The following OR51C1 variants were observed in gnomAD, a reference collection of about 807,000 sequenced individuals.
OR51C1 encodes olfactory receptor family 51 subfamily C member 1.
the OR51C1 span, among the ~76,000 whole-genome samples, chr11:4,693,285 AAAAGGAATTACCAG>A: frequency 1.3e-5 from 2 of 152,354 alleles, no homozygotes; most frequent in South Asian, 4.1e-4. Context: ...AAACACACTA[AAAAGGAATTACCAG>A]AAAGAGAGCA....
chr11:4,694,694 A>C, the OR51C1 span, among the ~76,000 whole-genome samples: 3 of 152,204 alleles, frequency 2.0e-5, no homozygotes, highest in East Asian at 5.8e-4. Flanking sequence ...CATGCCAGAC[A>C]GCGTCTATCA....
chr11:4,697,775 A>G, the OR51C1 span: 14 of 152,544 alleles, frequency 9.2e-5, no homozygotes, highest in African/African-American at 2.7e-4. Flanking sequence ...CTGACTGGAG[A>G]CAGGCACAGA....
the OR51C1 span, among the ~76,000 whole-genome samples, chr11:4,696,755 G>A: frequency 7.2e-5 from 11 of 151,962 alleles, no homozygotes; most frequent in Admixed American, 1.3e-4. Flanking sequence ...CTGCCCACTC[G>A]GATTACAATG....
the OR51C1 span, chr11:4,691,474 T>C: frequency 4.4e-6 from 2 of 456,334 alleles, no homozygotes; most frequent in East Asian, 6.9e-5. Context: ...AGAGTGGATA[T>C]GGACAGGCCG....
chr11:4,695,981 A>G, the OR51C1 span, among the ~76,000 whole-genome samples: 1 of 152,162 alleles, frequency 6.6e-6, no homozygotes, highest in Non-Finnish European at 1.5e-5. Context: ...TAATTATGGC[A>G]TCTCCAGAGT....
At chr11:4,693,460 G>A in the OR51C1 span, among the ~76,000 whole-genome samples, 3 of 152,154 alleles carry the variant, frequency 2.0e-5, no homozygotes, top group African/African-American at 4.8e-5. Flanking sequence ...GGTGGCTCAC[G>A]CCTGTAGTCC....
chr11:4,693,831 A>C, the OR51C1 span, among the ~76,000 whole-genome samples: 1 of 152,228 alleles, frequency 6.6e-6, no homozygotes, highest in Non-Finnish European at 1.5e-5. Context: ...TGGATCTTAC[A>C]TAGTGCTATT....
At chr11:4,691,356 A>C in the OR51C1 span, 2 of 457,914 alleles carry the variant, frequency 4.4e-6, no homozygotes, top group South Asian at 3.1e-5. Flanking sequence ...GGCCAACAGC[A>C]CTGAGGATTC....
chr11:4,691,700 C>T, the OR51C1 span: 10 of 360,786 alleles, frequency 2.8e-5, no homozygotes, highest in East Asian at 1.5e-4. Flanking sequence ...GCAAAGTTGA[C>T]GTGATGAATT....
the OR51C1 span, chr11:4,691,716 T>A: frequency 2.8e-6 from 1 of 356,130 alleles, no homozygotes; most frequent in South Asian, 2.1e-5. Context: ...GAATTAAAAG[T>A]ACAGAACGAG....
chr11:4,693,460 G>C, the OR51C1 span, among the ~76,000 whole-genome samples: 2 of 152,154 alleles, frequency 1.3e-5, no homozygotes, highest in Non-Finnish European at 2.9e-5. Flanking sequence ...GGTGGCTCAC[G>C]CCTGTAGTCC....
the OR51C1 span, chr11:4,691,322 G>C: frequency 2.2e-6 from 1 of 457,426 alleles, no homozygotes; most frequent in Non-Finnish European, 4.4e-6. Context: ...GATTAGAGAC[G>C]GCCACAAAAC....
the OR51C1 span, chr11:4,691,198 A>T: frequency 4.4e-6 from 2 of 456,612 alleles, no homozygotes; most frequent in Non-Finnish European, 8.8e-6. Context: ...TGGCAGTAGG[A>T]AAGTCTTATA....
At chr11:4,695,968 A>G in the OR51C1 span, among the ~76,000 whole-genome samples, 2 of 152,120 alleles carry the variant, frequency 1.3e-5, no homozygotes, top group South Asian at 4.1e-4. Flanking sequence ...TAAATCTGCA[A>G]TCTAATTATG....
the OR51C1 span, among the ~76,000 whole-genome samples, chr11:4,695,956 C>G: frequency 2.6e-5 from 4 of 152,204 alleles, no homozygotes; most frequent in South Asian, 8.3e-4. Context: ...CCAGAAGACT[C>G]ATAAATCTGC....
the OR51C1 span, among the ~76,000 whole-genome samples, chr11:4,697,055 C>G: frequency 6.6e-6 from 1 of 152,206 alleles, no homozygotes; most frequent in South Asian, 2.1e-4. Context: ...CTTACTATGT[C>G]ATCATGTGAC....
the OR51C1 span, chr11:4,691,541 C>A: frequency 2.2e-6 from 1 of 456,966 alleles, no homozygotes; most frequent in Non-Finnish European, 4.4e-6. Context: ...GGAGGCTGGG[C>A]TGAGTGATGG....
chr11:4,691,587 G>A, the OR51C1 span: 1 of 456,522 alleles, frequency 2.2e-6, no homozygotes, highest in South Asian at 1.6e-5. Context: ...CAAGAGAGCA[G>A]TTACAGAGAG....
chr11:4,692,796 T>C, the OR51C1 span, among the ~76,000 whole-genome samples: 1 of 144,028 alleles, frequency 6.9e-6, no homozygotes, highest in African/African-American at 2.6e-5. Flanking sequence ...GTATCCAGAC[T>C]CACACATTCA....
Sources: gnomAD v4.1 joint callset for allele counts (sites outside exome capture counted in the v4.1 genomes callset) on GRCh38, gnomAD v4.1.1 for gene constraint, MANE v1.5 for transcripts, NCBI Gene and HGNC (gene_info 2026-07-23, HGNC 2026-07-21) for gene names.